Variants in LRRC57 observed in about 807,000 individuals in gnomAD.
LRRC57 encodes the protein leucine rich repeat containing 57, also known as leucine-rich repeat-containing protein 57.
A neutral mutation model predicts 23.1 loss-of-function variants in LRRC57; 14 were observed. That is an observed-to-expected ratio of 0.61 (90% CI 0.40 to 0.95). The LOEUF (loss-of-function observed/expected upper bound fraction) is 0.95. Among genes scored for constraint, LRRC57 ranks in the 40% least tolerant of loss-of-function variants. The pLI, the probability that LRRC57 is intolerant of heterozygous loss-of-function variation, is 0.00. For synonymous variants in LRRC57, 106 were observed against 115.2 expected (o/e 0.92, Z 0.51); for missense variants, 236 against 284.4 (o/e 0.83, Z 1.22).
In LRRC57 at chr15:42,540,158, T is replaced by G. The variant is rs970982853; in HGVS notation, c.*3925A>C. ...TTGCAGTGAGCCAAGATCGCGCCAT[T>G]GTACTCCAGCGTGGGCAAGAGTGAG... is the stretch of plus-strand genomic sequence containing the variant. On this transcript the variant is annotated 3_prime_UTR_variant, in exon 6 of 6. Coordinates refer to ENST00000397130, the MANE Select transcript of LRRC57 (RefSeq NM_153260.3). The G allele has an allele frequency of 2.7e-5, 4 of 150,374 alleles. No homozygotes were observed. The highest frequency in any genetic ancestry group is 9.9e-5 in the African/African-American group (4 of 40,518). The allele number at this position is 150,374 out of a possible 1,614,324, so 9.3% of individuals were successfully genotyped here.
chr15:42,544,035 G>T lies in LRRC57; in HGVS notation c.*48C>A, dbSNP rs1157782463. 3 of 1,541,178 alleles carry T rather than the reference G, an allele frequency of 1.9e-6. No homozygotes were observed. In the African/African-American group the frequency reaches 4.1e-5, roughly 21 times the overall value. On this transcript the variant is annotated 3_prime_UTR_variant, in exon 6 of 6. Coordinates refer to ENST00000397130, the MANE Select transcript of LRRC57 (RefSeq NM_153260.3). ...GCTTTGACTCAGCCACATTCCAACA[G>T]AGGTTCTAAGTCAGTATCCTGTAAG...
rs554504021 is a variant in LRRC57 at position 42,545,676 on chromosome 15, A to G, written c.493-414T>C. Among the ~76,000 whole-genome samples the G allele has an allele frequency of 2.0e-5, 3 of 152,266 alleles. No individual in the cohort carries two copies. In the East Asian group the frequency reaches 5.8e-4, roughly 29 times the overall value. On this transcript the variant is annotated intron_variant, in intron 4 of 5. Transcript: ENST00000397130. Reference sequence around the variant, plus strand: ...CATAGATACTGACCACTTTACTACCAAATTCAAGGATCCATTGTCCTCAGT... The same window carrying G: ...CATAGATACTGACCACTTTACTACCGAATTCAAGGATCCATTGTCCTCAGT...
At position 42,548,711 on chromosome 15, in the gene LRRC57, C is replaced by G. The variant is rs1262838536; in HGVS notation, c.-41G>C. The G allele has an allele frequency of 1.4e-5, 9 of 633,600 alleles. No homozygotes were observed. Among genetic ancestry groups the G allele is most frequent in the Middle Eastern group, 4.3e-4 (1 of 2,330 alleles). 39.2% of individuals were successfully genotyped at this position (633,600 alleles called of 1,614,324 possible). A position where few individuals can be genotyped will look rare whatever the true frequency, so the allele number is the denominator to read the frequency against. On this transcript the variant is annotated 5_prime_UTR_variant, in exon 1 of 6. Coordinates refer to ENST00000397130, the MANE Select transcript of LRRC57 (RefSeq NM_153260.3). ...GACTCGCCTCCCACCGCTCAGCTGC[C>G]GTAAGGCTCCGCAGGTGAAGACCCA...
At chr15:42,529,675 C>A in the LRRC57 span, 2 of 1,613,006 alleles carry the variant, frequency 1.2e-6, no homozygotes, top group Non-Finnish European at 1.7e-6. Flanking sequence ...CTTGTGATAG[C>A]ATAACTAATG....
chr15:42,544,786 C>T lies in LRRC57; in HGVS notation c.678+291G>A, dbSNP rs193014061. On this transcript the variant is annotated intron_variant, in intron 5 of 5. Transcript: ENST00000397130. ...GAGCTGAGATTGCGCCACTGCACTC[C>T]AGCCTGGGCGACAGAGTGAGACCCT... Among the ~76,000 whole-genome samples the T allele has an allele frequency of 4.3e-4, 65 of 149,982 alleles. 1 individual carries two copies. The highest frequency in any genetic ancestry group is 1.6e-3 in the African/African-American group (63 of 39,840).
chr15:42,531,556 G>A, the LRRC57 span: 1 of 1,132,352 alleles, frequency 8.8e-7, no homozygotes, highest in Non-Finnish European at 1.3e-6. Context: ...CAGAGTTTAA[G>A]TTTTCGGTTC....
chr15:42,533,165 A>C (rs1453192112), downstream of LRRC57: 1 of 152,250 alleles, frequency 6.6e-6, no homozygotes, highest in Non-Finnish European at 1.5e-5. Flanking sequence ...AAAGATCCAT[A>C]CATCAAGAAA....
At chr15:42,529,778 A>G in the LRRC57 span, 1 of 1,613,528 alleles carries the variant, frequency 6.2e-7, no homozygotes, top group Non-Finnish European at 8.5e-7. Context: ...AGGCAATGAG[A>G]TTGATGCTCA....
chr15:42,544,817 A>T lies in LRRC57; in HGVS notation c.678+260T>A, dbSNP rs1044410693. Reference sequence around the variant, plus strand: ...GGGCGACAGAGTGAGACCCTGTCTCACACACACACACACACACACACACAC... The same window carrying T: ...GGGCGACAGAGTGAGACCCTGTCTCTCACACACACACACACACACACACAC... On this transcript the variant is annotated intron_variant, in intron 5 of 5. Transcript: ENST00000397130. 5.1e-4 allele frequency among the ~76,000 whole-genome samples: 61 copies of T among 118,718 alleles called. 1 individual carries two copies. The highest frequency in any genetic ancestry group is 1.8e-3 in the African/African-American group (45 of 25,338). 77.9% of individuals were successfully genotyped at this position (118,718 alleles called of 152,430 possible).
chr15:42,538,243 TC>T lies in LRRC57; in HGVS notation c.*5839del. 1.3e-5 allele frequency: 2 copies of T among 152,294 alleles called. No homozygotes were observed. Among genetic ancestry groups the T allele is most frequent in the South Asian group, 4.1e-4 (2 of 4,826 alleles). The allele number at this position is 152,294 out of a possible 1,614,324, so 9.4% of individuals were successfully genotyped here. A position where few individuals can be genotyped will look rare whatever the true frequency, so the allele number is the denominator to read the frequency against. ...TTATCTAAGTGCTGTTTTCTTTAGGTCACTCTTACCAAAACTTCAGGTTATC... is the reference window on the plus strand; with the variant it reads ...TTATCTAAGTGCTGTTTTCTTTAGGTACTCTTACCAAAACTTCAGGTTATC... On this transcript the variant is annotated 3_prime_UTR_variant, in exon 6 of 6. Transcript: ENST00000397130.
chr15:42,545,152 G>A lies in LRRC57; in HGVS notation c.603C>T (p.Ser201=), dbSNP rs2057652922. The A allele has an allele frequency of 1.9e-6, 3 of 1,609,106 alleles. No individual in the cohort carries two copies. Among genetic ancestry groups the A allele is most frequent in the Middle Eastern group, 3.3e-4 (2 of 6,068 alleles). The stretch of plus-strand genomic sequence containing the variant: ...CTTCCACAGCAAGCAGACAGATCTG[G>A]GAATCACTGAGGATGCTCTGGGGAA... The part of the protein sequence containing the change: ...SMLPQSILSD[S]QICLLAVEGN... The change falls in exon 5 of 6, where the codon TCC becomes TCT. Residue 201 remains serine, a synonymous_variant. Coordinates refer to ENST00000397130, the MANE Select transcript of LRRC57 (RefSeq NM_153260.3).
the LRRC57 span, chr15:42,528,534 AT>A: frequency 9.5e-7 from 1 of 1,047,780 alleles, no homozygotes; most frequent in African/African-American, 1.6e-5. Context: ...TATTTATTCC[AT>A]TTTTAAAATG....
Position 42,539,994 on chromosome 15 carries a change from G to C in LRRC57, c.*4089C>G, listed in dbSNP as rs1390288185. The C allele has an allele frequency of 2.0e-5, 3 of 152,150 alleles. No homozygotes were observed. The highest frequency in any genetic ancestry group is 7.2e-5 in the African/African-American group (3 of 41,424). 9.4% of individuals were successfully genotyped at this position (152,150 alleles called of 1,614,324 possible). On this transcript the variant is annotated 3_prime_UTR_variant, in exon 6 of 6. Coordinates refer to ENST00000397130, the MANE Select transcript of LRRC57 (RefSeq NM_153260.3). ...GTGGATCAACTGAGGTCAGGAGTTT[G>C]AGATCAGCCTGACCAACATGGTGAA... is the stretch of plus-strand genomic sequence containing the variant.
downstream of LRRC57, among the ~76,000 whole-genome samples, chr15:42,536,640 C>G (rs2057601833): frequency 6.6e-6 from 1 of 152,130 alleles, no homozygotes; most frequent in African/African-American, 2.4e-5. Context: ...AGAGGTGAGG[C>G]CATCAAAATT....
the LRRC57 span, chr15:42,531,775 G>T: frequency 8.9e-6 from 2 of 223,660 alleles, no homozygotes; most frequent in South Asian, 3.4e-4. Context: ...TTGCTTTCAA[G>T]ATTTGGAAGC....
At chr15:42,533,022 C>T (rs2057580729), downstream of LRRC57, 1 of 152,588 alleles carries the variant, frequency 6.6e-6, no homozygotes, top group African/African-American at 2.4e-5. Flanking sequence ...CACCAATAAC[C>T]ACTGCTTGAT....
chr15:42,537,153 A>C (rs1185597967), downstream of LRRC57, among the ~76,000 whole-genome samples: 1 of 151,528 alleles, frequency 6.6e-6, no homozygotes, highest in Non-Finnish European at 1.5e-5. Context: ...CTGAGGCGGG[A>C]GGATCACTTG....
At position 42,547,486 on chromosome 15, in the gene LRRC57, C is replaced by G. The variant is rs763024894; in HGVS notation, c.267G>C (p.Thr89=). 1 of 1,613,756 alleles carries G rather than the reference C, an allele frequency of 6.2e-7. No individual in the cohort carries two copies. ...TAAGGTGATTGTTGTTTAGGCTTAG[C>G]GTCTCTAGTTTTTTCAGATTGCATA... ...DEICNLKKLE[T]LSLNNNHLRE... is the part of the protein sequence containing the mutation. Residue 89 remains threonine (T), a synonymous_variant, in exon 4 of 6, where the codon ACG becomes ACC. Transcript: ENST00000397130.
rs764797372 is a variant in LRRC57 at position 42,545,210 on chromosome 15, C to T, written c.545G>A (p.Arg182His). 6.2e-6 allele frequency: 10 copies of T among 1,606,110 alleles called. No homozygotes were observed. Among genetic ancestry groups the T allele is most frequent in the East Asian group, 4.5e-5 (2 of 44,582 alleles). ...GAGCTCAAGACAATTCTCTTCCAGG[C>T]GAAGAATTTTAAGGCGTGGACAGCA... ...ISCCPRLKIL[R>H]LEENCLELSM... The change falls in exon 5 of 6, where the codon CGC (arginine) becomes CAC (histidine). Residue 182 changes from arginine (R) to histidine (H), a missense_variant. Transcript: ENST00000397130.
Sources: gnomAD v4.1 joint callset for allele counts (sites outside exome capture counted in the v4.1 genomes callset) on GRCh38, gnomAD v4.1.1 for gene constraint, MANE v1.5 for transcripts, NCBI Gene and HGNC (gene_info 2026-07-23, HGNC 2026-07-21) for gene names.